CACNB2: variants seen among roughly 807,000 people sequenced by gnomAD.
CACNB2 encodes the protein calcium voltage-gated channel auxiliary subunit beta 2, also known as voltage-dependent L-type calcium channel subunit beta-2.
Under a neutral mutation model 73.3 loss-of-function variants are expected in CACNB2, and 42 were observed. That is an observed-to-expected ratio of 0.57 (90% CI 0.45 to 0.74). The LOEUF is 0.74. Among genes scored for constraint, CACNB2 ranks in the 30% least tolerant of loss-of-function variants. The probability of loss-of-function intolerance (pLI) is 0.00; values close to 1 mark genes in which losing one functional copy is unlikely to be tolerated. For missense variants in CACNB2, 940 were observed against 853.0 expected, an observed-to-expected ratio of 1.10 and a Z score of -1.27; for synonymous variants, 348 against 310.3, an observed-to-expected ratio of 1.12 and a Z score of -1.28.
intron 2 of CACNB2, among the ~76,000 whole-genome samples, chr10:18,287,693 A>G (rs990986354): frequency 6.6e-6 from 1 of 152,268 alleles, no homozygotes; most frequent in Non-Finnish European, 1.5e-5. Context: ...CCTACAAAAA[A>G]TACAAAAATC....
intron 2 of CACNB2, among the ~76,000 whole-genome samples, chr10:18,383,614 T>G (rs1026808331): frequency 2.8e-4 from 43 of 152,242 alleles, no homozygotes; most frequent in African/African-American, 1.0e-3. Flanking sequence ...CAGCGAGGGG[T>G]AAACCATAAA....
Position 18,455,456 on chromosome 10 carries a change from T to TA in CACNB2, c.334-42899_334-42898insA, listed in dbSNP as rs1229663845. Among the ~76,000 whole-genome samples, 556 of 152,302 alleles carry TA rather than the reference T, an allele frequency of 3.7e-3. 2 individuals carry two copies. Among genetic ancestry groups the TA allele is most frequent in the African/African-American group, 0.012 (498 of 41,576 alleles). ...TTCAGAGAAAGAGTGAGTAATCTGGTTTACATTCTGCTATTGCTGTTGTTG... is the reference window on the plus strand; with the variant it reads ...TTCAGAGAAAGAGTGAGTAATCTGGTATTACATTCTGCTATTGCTGTTGTTG... On this transcript the variant is annotated intron_variant, in intron 3 of 13. Coordinates refer to ENST00000324631, the MANE Select transcript of CACNB2 (RefSeq NM_201596.3).
chr10:18,176,636 G>C (rs1450767004), intron 2 of CACNB2, among the ~76,000 whole-genome samples: 3 of 150,610 alleles, frequency 2.0e-5, no homozygotes, highest in Admixed American at 6.7e-5. Flanking sequence ...GTAAGTCTGT[G>C]AAGGTGGGTT....
chr10:18,388,912 C>A (rs911961964), intron 2 of CACNB2, among the ~76,000 whole-genome samples: 1 of 152,164 alleles, frequency 6.6e-6, no homozygotes, highest in African/African-American at 2.4e-5. Flanking sequence ...TGGTCCTTGC[C>A]TCCCTTCCCC....
At chr10:18,185,635 G>T (rs2034112108) in intron 2 of CACNB2, among the ~76,000 whole-genome samples, 1 of 152,178 alleles carries the variant, frequency 6.6e-6, no homozygotes. Flanking sequence ...TTGGAAAACA[G>T]AAATGAAAAT....
intron 2 of CACNB2, among the ~76,000 whole-genome samples, chr10:18,387,450 G>C (rs1025572582): frequency 6.6e-6 from 1 of 152,106 alleles, no homozygotes; most frequent in Admixed American, 6.6e-5. Flanking sequence ...CTGGGATTGG[G>C]GAACAGAGGT....
intron 6 of CACNB2, among the ~76,000 whole-genome samples, chr10:18,507,974 T>C (rs999043777): frequency 2.6e-5 from 4 of 152,032 alleles, no homozygotes; most frequent in Non-Finnish European, 4.4e-5. Flanking sequence ...GGGGTTTCAC[T>C]ATGTTGCCCA....
chr10:18,463,883 G>GC (rs960013059), intron 3 of CACNB2, among the ~76,000 whole-genome samples: 5 of 151,970 alleles, frequency 3.3e-5, no homozygotes, highest in African/African-American at 9.7e-5. Context: ...TCCTAGCTCT[G>GC]CCCCCCTTCC....
Position 18,488,336 on chromosome 10 carries a change from G to T in CACNB2, c.334-10019G>T, listed in dbSNP as rs984461684. 3.3e-5 allele frequency among the ~76,000 whole-genome samples: 5 copies of T among 151,284 alleles called. No homozygotes were observed. In the East Asian group the frequency reaches 9.9e-4, roughly 30 times the overall value. On this transcript the variant is annotated intron_variant, in intron 3 of 13. Coordinates refer to ENST00000324631, the MANE Select transcript of CACNB2 (RefSeq NM_201596.3). ...TAAAAATACAGAAAATTAGCCAGGC[G>T]TGGTGGCAGGTGCCTGTAGTCCCAG...
chr10:18,478,431 C>G (rs879895053), intron 3 of CACNB2, among the ~76,000 whole-genome samples: 8 of 152,108 alleles, frequency 5.3e-5, no homozygotes, highest in Non-Finnish European at 1.2e-4. Context: ...GAAGTGTATA[C>G]GGTGAAAAAT....
chr10:18,308,864 C>A (rs1413808264), intron 2 of CACNB2, among the ~76,000 whole-genome samples: 2 of 152,168 alleles, frequency 1.3e-5, no homozygotes, highest in African/African-American at 4.8e-5. Flanking sequence ...CAAATGTCAT[C>A]AGCTCACTGA....
chr10:18,344,303 G>C (rs11013731), intron 2 of CACNB2, among the ~76,000 whole-genome samples: 9,096 of 151,900 alleles, frequency 0.06, 599 homozygotes, highest in African/African-American at 0.16. Context: ...CGATCAGTTT[G>C]TGGAAAGAGT....
chr10:18,522,397 G>A (rs1363980334), intron 9 of CACNB2, among the ~76,000 whole-genome samples: 2 of 152,164 alleles, frequency 1.3e-5, no homozygotes, highest in Admixed American at 1.3e-4. Context: ...GGTCCCTGGT[G>A]CCAAAAAGGT....
intron 3 of CACNB2, among the ~76,000 whole-genome samples, chr10:18,430,673 A>C (rs1437602933): frequency 6.6e-6 from 1 of 152,156 alleles, no homozygotes; most frequent in Non-Finnish European, 1.5e-5. Context: ...ATTACAGTTC[A>C]ATGTCTCAAC....
At chr10:18,171,845 A>G (rs1315148911) in intron 2 of CACNB2, among the ~76,000 whole-genome samples, 1 of 152,092 alleles carries the variant, frequency 6.6e-6, no homozygotes, top group Non-Finnish European at 1.5e-5. Flanking sequence ...TGGCAATAAC[A>G]CACTTCTGTT....
At chr10:18,219,987 G>A (rs114718583) in intron 2 of CACNB2, among the ~76,000 whole-genome samples, 2,141 of 145,604 alleles carry the variant, frequency 0.015, 30 homozygotes, top group African/African-American at 0.038. Context: ...GGCTGGTCAC[G>A]AACTCCTGAC....
rs561964296 is a variant in CACNB2 at position 18,239,761 on chromosome 10, C to T, written c.213+88786C>T. Among the ~76,000 whole-genome samples, 47 of 152,168 alleles carry T rather than the reference C, an allele frequency of 3.1e-4. No individual in the cohort carries two copies. The South Asian group carries it at 9.8e-3, about 32-fold the overall frequency. ...AAAAGTAGAGAAGTGTTCTAAATAC[C>T]AGTTAATCATGGATCTTAGTTCTTC... On this transcript the variant is annotated intron_variant, in intron 2 of 13. Coordinates refer to ENST00000324631, the MANE Select transcript of CACNB2 (RefSeq NM_201596.3).
chr10:18,490,106 C>T (rs1283527779), intron 3 of CACNB2, among the ~76,000 whole-genome samples: 6 of 152,066 alleles, frequency 3.9e-5, no homozygotes, highest in Admixed American at 6.6e-5. Context: ...TCAAACTCCT[C>T]GGCTCAAGCA....
intron 2 of CACNB2, among the ~76,000 whole-genome samples, chr10:18,398,276 T>C (rs1056363909): frequency 3.3e-5 from 5 of 152,228 alleles, no homozygotes; most frequent in African/African-American, 1.2e-4. Flanking sequence ...TGAAACATGC[T>C]ACTATTTAAC....
Sources: gnomAD v4.1 joint callset for allele counts (sites outside exome capture counted in the v4.1 genomes callset) on GRCh38, gnomAD v4.1.1 for gene constraint, MANE v1.5 for transcripts, NCBI Gene and HGNC (gene_info 2026-07-23, HGNC 2026-07-21) for gene names.